Variants in STPG2 observed in about 807,000 individuals in gnomAD.
STPG2 encodes sperm tail PG-rich repeat containing 2.
STPG2 carries 56 observed loss-of-function variants against 54.2 expected under a neutral mutation model. That is an observed-to-expected ratio of 1.03 (90% confidence interval 0.83 to 1.29). The LOEUF (loss-of-function observed/expected upper bound fraction) is 1.29. Among genes scored for constraint, STPG2 ranks in the 50% most tolerant of loss-of-function variants. STPG2 has a pLI of 0.00. For synonymous variants in STPG2, 200 were observed against 181.8 expected, an observed-to-expected ratio of 1.10 and a Z score of -0.81; for missense variants, 596 against 544.9, an observed-to-expected ratio of 1.09 and a Z score of -0.93.
Position 98,129,004 on chromosome 4 carries a change from G to A in STPG2, c.223-412C>T, listed in dbSNP as rs377187409. ...CAGCCTCGGCCTCCCAAAGTGCTGGGATTACAGGCATGAGCCACTGTGCCT... is the reference window on the plus strand; with the variant it reads ...CAGCCTCGGCCTCCCAAAGTGCTGGAATTACAGGCATGAGCCACTGTGCCT... On this transcript the variant is annotated intron_variant, in intron 2 of 10. Transcript: ENST00000295268. Among the ~76,000 whole-genome samples the A allele has an allele frequency of 2.5e-4, 38 of 152,262 alleles. 1 individual carries two copies. Among genetic ancestry groups the A allele is most frequent in the African/African-American group, 8.7e-4 (36 of 41,560 alleles).
chr4:97,718,681 C>A (rs767487581), intron 9 of STPG2, among the ~76,000 whole-genome samples: 2 of 151,824 alleles, frequency 1.3e-5, no homozygotes, highest in African/African-American at 4.8e-5. Flanking sequence ...ATTTCAGTAA[C>A]CTTTGTCCTC....
intron 6 of STPG2, among the ~76,000 whole-genome samples, chr4:97,979,732 T>TA (rs1417689630): frequency 1.3e-5 from 2 of 151,484 alleles, no homozygotes; most frequent in African/African-American, 4.8e-5. Flanking sequence ...CAATTTCTTT[T>TA]TTTTTTTTTT....
At chr4:97,996,938 C>G (rs980265280) in intron 5 of STPG2, among the ~76,000 whole-genome samples, 3 of 152,138 alleles carry the variant, frequency 2.0e-5, no homozygotes, top group Non-Finnish European at 2.9e-5. Flanking sequence ...CAAAAAATAA[C>G]AGATGCAGGC....
At chr4:98,111,389 T>C (rs1193894120) in intron 3 of STPG2, among the ~76,000 whole-genome samples, 7 of 152,140 alleles carry the variant, frequency 4.6e-5, no homozygotes, top group Non-Finnish European at 1.0e-4. Flanking sequence ...CTCCACTTTA[T>C]TATTGGCAGA....
chr4:97,514,123 G>A (rs1342544074), intron 4 of STPG2, among the ~76,000 whole-genome samples: 3 of 152,066 alleles, frequency 2.0e-5, no homozygotes, highest in Non-Finnish European at 4.4e-5. Context: ...AGATAATGAC[G>A]GTAAATTTGG....
At chr4:97,471,039 G>A (rs1194384501) in intron 4 of STPG2, among the ~76,000 whole-genome samples, 1 of 152,130 alleles carries the variant, frequency 6.6e-6, no homozygotes, top group Non-Finnish European at 1.5e-5. Flanking sequence ...TGAGTAGGTA[G>A]TGTATACAGC....
At chr4:97,573,554 AT>A (rs1402430422) in intron 10 of STPG2, among the ~76,000 whole-genome samples, 1 of 151,974 alleles carries the variant, frequency 6.6e-6, no homozygotes, top group Non-Finnish European at 1.5e-5. Context: ...AAATTATAAT[AT>A]AAAAAATGGA....
chr4:97,844,059 T>C (rs994274535), intron 8 of STPG2, among the ~76,000 whole-genome samples: 1 of 151,860 alleles, frequency 6.6e-6, no homozygotes, highest in African/African-American at 2.4e-5. Context: ...AAATTCAGAA[T>C]TTTTCCAGAA....
chr4:97,900,545 G>A (rs889277721), intron 8 of STPG2, among the ~76,000 whole-genome samples: 2 of 152,030 alleles, frequency 1.3e-5, no homozygotes, highest in African/African-American at 2.4e-5. Context: ...ATGACAGACT[G>A]GATAAAGAAA....
At chr4:97,934,766 T>C (rs905071214) in intron 8 of STPG2, among the ~76,000 whole-genome samples, 6 of 152,192 alleles carry the variant, frequency 3.9e-5, no homozygotes, top group African/African-American at 1.4e-4. Flanking sequence ...GCCAATATTT[T>C]ATTGAGGATT....
At chr4:97,672,750 A>G (rs1410486289) in intron 10 of STPG2, among the ~76,000 whole-genome samples, 1 of 152,220 alleles carries the variant, frequency 6.6e-6, no homozygotes, top group Non-Finnish European at 1.5e-5. Context: ...GTATGCATTT[A>G]ACTGCCAGGG....
At chr4:98,016,828 A>G (rs969108127) in intron 5 of STPG2, among the ~76,000 whole-genome samples, 1 of 151,976 alleles carries the variant, frequency 6.6e-6, no homozygotes, top group African/African-American at 2.4e-5. Flanking sequence ...CTGATTTTTC[A>G]TAATTGCTGT....
At chr4:97,841,339 A>G (rs1255855226) in intron 8 of STPG2, among the ~76,000 whole-genome samples, 1 of 151,640 alleles carries the variant, frequency 6.6e-6, no homozygotes, top group African/African-American at 2.4e-5. Context: ...ACAAAATGAG[A>G]CTGCTTATTT....
intron 8 of STPG2, among the ~76,000 whole-genome samples, chr4:97,936,778 TGAC>T (rs1732760035): frequency 3.9e-5 from 6 of 152,184 alleles, no homozygotes; most frequent in Non-Finnish European, 8.8e-5. Flanking sequence ...CCTTTGTAGG[TGAC>T]CTGGCCTTTA....
At chr4:97,454,822 A>G (rs1369810409) in intron 4 of STPG2, among the ~76,000 whole-genome samples, 1 of 152,172 alleles carries the variant, frequency 6.6e-6, no homozygotes, top group Non-Finnish European at 1.5e-5. Context: ...GAAAGCCAGT[A>G]AAGTCTTTCA....
intron 8 of STPG2, among the ~76,000 whole-genome samples, chr4:97,931,762 A>T (rs987750890): frequency 1.3e-5 from 2 of 151,966 alleles, no homozygotes; most frequent in Non-Finnish European, 2.9e-5. Context: ...TCATAGACTG[A>T]GTTAGGAAGT....
chr4:97,809,728 T>C (rs148675462), intron 9 of STPG2, among the ~76,000 whole-genome samples: 82 of 152,298 alleles, frequency 5.4e-4, no homozygotes, highest in African/African-American at 1.9e-3. Flanking sequence ...AAGCTGACTT[T>C]TCCCTAGAAC....
intron 8 of STPG2, among the ~76,000 whole-genome samples, chr4:97,852,604 G>A (rs561753791): frequency 6.6e-6 from 1 of 152,242 alleles, no homozygotes; most frequent in Admixed American, 6.5e-5. Context: ...GGATGATCCA[G>A]CCTTGCTTTT....
At chr4:97,624,772 T>C (rs948902951) in intron 10 of STPG2, among the ~76,000 whole-genome samples, 3 of 152,230 alleles carry the variant, frequency 2.0e-5, no homozygotes, top group Non-Finnish European at 4.4e-5. Flanking sequence ...TTTAAGTCTT[T>C]AATCCATCTT....
Sources: allele counts gnomAD v4.1 joint callset (sites outside exome capture counted in the v4.1 genomes callset), GRCh38; gene constraint gnomAD v4.1.1; transcripts MANE v1.5; gene names NCBI Gene and HGNC (gene_info 2026-07-23, HGNC 2026-07-21).